The following RAD51B variants were observed in gnomAD, a reference collection of about 807,000 sequenced individuals.
The protein encoded by RAD51B is DNA repair protein RAD51 homolog 2.
In RAD51B, 38 loss-of-function variants were observed where a neutral mutation model predicts 42.2. That is an observed-to-expected ratio of 0.90 (90% CI 0.70 to 1.18). RAD51B has a LOEUF of 1.18. Among genes scored for constraint, RAD51B ranks in the 50% most tolerant of loss-of-function variants. RAD51B has a pLI of 0.00. For missense variants in RAD51B, 373 were observed against 400.7 expected, an observed-to-expected ratio of 0.93 and a Z score of 0.59; for synonymous variants, 154 against 145.2, an observed-to-expected ratio of 1.06 and a Z score of -0.43.
At chr14:68,064,337 C>T (rs2076615808) in intron 7 of RAD51B, among the ~76,000 whole-genome samples, 1 of 152,162 alleles carries the variant, frequency 6.6e-6, no homozygotes, top group South Asian at 2.1e-4. Context: ...TGGGGATTCC[C>T]TAATATGTGA....
chr14:67,995,024 A>G (rs558694139), intron 7 of RAD51B, among the ~76,000 whole-genome samples: 22 of 152,310 alleles, frequency 1.4e-4, no homozygotes, highest in African/African-American at 5.1e-4. Flanking sequence ...AAGACTAATA[A>G]TGTATGATTC....
intron 7 of RAD51B, among the ~76,000 whole-genome samples, chr14:68,217,663 CT>C (rs1205446721): frequency 6.6e-6 from 1 of 152,176 alleles, no homozygotes; most frequent in African/African-American, 2.4e-5. Context: ...AGATTTTTTT[CT>C]TGATGGGACT....
At chr14:67,868,291 G>T (rs1341575501) in intron 5 of RAD51B, among the ~76,000 whole-genome samples, 1 of 152,180 alleles carries the variant, frequency 6.6e-6, no homozygotes, top group African/African-American at 2.4e-5. Context: ...AGGGGTCAGG[G>T]AGTTCCCTTT....
intron 8 of RAD51B, among the ~76,000 whole-genome samples, chr14:68,354,224 T>TTG (rs2082850120): frequency 6.8e-6 from 1 of 146,918 alleles, no homozygotes; most frequent in Non-Finnish European, 1.5e-5. Context: ...TGGTTTTTTT[T>TTG]TTTTTTTTTT....
chr14:67,887,181 T>G lies in RAD51B; in HGVS notation c.733T>G (p.Leu245Val), dbSNP rs1566942462. 6.2e-7 allele frequency: 1 copy of G among 1,610,424 alleles called. No homozygotes were observed. The highest frequency in any genetic ancestry group is 8.5e-7 in the Non-Finnish European group (1 of 1,178,232). The change falls in exon 7 of 11, where the codon TTG (leucine) becomes GTG (valine). Residue 245 changes from leucine to valine, a missense_variant. Leu to Val is a conservative substitution (Grantham distance 32, BLOSUM62 1). Coordinates refer to ENST00000471583, the MANE Select transcript of RAD51B (RefSeq NM_133510.4). ...LAREASSLKY[L>V]AEEFSIPVIL... ...AAGAGAGGCATCCTCCTTGAAGTAT[T>G]TGGCTGAGGAGTTTTCAATCCCAGT...
At chr14:68,317,709 GGA>G (rs1234351223) in intron 8 of RAD51B, among the ~76,000 whole-genome samples, 6 of 152,126 alleles carry the variant, frequency 3.9e-5, no homozygotes, top group African/African-American at 1.4e-4. Flanking sequence ...TTGGAATTTG[GGA>G]GAGAAAGAGA....
At chr14:68,366,270 A>G (rs2139932170) in intron 8 of RAD51B, among the ~76,000 whole-genome samples, 1 of 152,324 alleles carries the variant, frequency 6.6e-6, no homozygotes, top group Admixed American at 6.5e-5. Flanking sequence ...CATACCATAG[A>G]CAAATAGCCT....
At position 68,673,858 on chromosome 14, in the gene RAD51B, T is replaced by C. The variant is rs149575605; in HGVS notation, c.*11+23002T>C. On this transcript the variant is annotated intron_variant, in intron 11 of 11. Coordinates refer to the RAD51B transcript ENST00000488612. ...ATACACATATGTACATGCACACTCATACATGTACACATACTGTGCACACAC... is the reference window on the plus strand; with the variant it reads ...ATACACATATGTACATGCACACTCACACATGTACACATACTGTGCACACAC... Among the ~76,000 whole-genome samples the C allele has an allele frequency of 5.3e-3, 687 of 130,296 alleles. 4 individuals carry two copies. The highest frequency in any genetic ancestry group is 0.043 in the Middle Eastern group (8 of 186). 85.5% of individuals were successfully genotyped at this position (130,296 alleles called of 152,430 possible). A position where few individuals can be genotyped will look rare whatever the true frequency, so the allele number is the denominator to read the frequency against.
chr14:68,601,843 T>C (rs1891231786), intron 10 of RAD51B, among the ~76,000 whole-genome samples: 1 of 152,262 alleles, frequency 6.6e-6, no homozygotes, highest in Non-Finnish European at 1.5e-5. Flanking sequence ...CTCCTCACCC[T>C]TGAAAGTCTT....
At chr14:68,177,479 A>G (rs576862564) in intron 7 of RAD51B, among the ~76,000 whole-genome samples, 1 of 152,332 alleles carries the variant, frequency 6.6e-6, no homozygotes, top group African/African-American at 2.4e-5. Context: ...TTAACTAGAT[A>G]TCCTTAGTGG....
intron 7 of RAD51B, among the ~76,000 whole-genome samples, chr14:67,907,235 A>G (rs527749374): frequency 8.9e-4 from 135 of 151,946 alleles, no homozygotes; most frequent in Non-Finnish European, 1.3e-3. Flanking sequence ...ATTTCATTCA[A>G]TTCAGCTCTG....
In RAD51B at chr14:68,088,240, T is replaced by C. The variant is rs376405420; in HGVS notation, c.756+201036T>C. Among the ~76,000 whole-genome samples the C allele has an allele frequency of 8.6e-5, 13 of 151,234 alleles. No homozygotes were observed. The South Asian group carries it at 2.7e-3, about 31-fold the overall frequency. ...TTACAGTCCTGGCCCTACTAAAACG[T>C]CTTTTATTGACCTGCATGCTATCAT... On this transcript the variant is annotated intron_variant, in intron 7 of 10. Coordinates refer to ENST00000471583, the MANE Select transcript of RAD51B (RefSeq NM_133510.4).
At chr14:68,037,306 C>T (rs112120429) in intron 7 of RAD51B, among the ~76,000 whole-genome samples, 293 of 149,732 alleles carry the variant, frequency 2.0e-3, no homozygotes, top group Non-Finnish European at 3.7e-3. Context: ...CTGCAACCTC[C>T]GCCTCCTGGG....
intron 10 of RAD51B, among the ~76,000 whole-genome samples, chr14:68,573,191 C>A (rs1203028737): frequency 1.3e-5 from 2 of 152,190 alleles, no homozygotes; most frequent in Non-Finnish European, 2.9e-5. Flanking sequence ...TCACTCACAG[C>A]CTTCCAGCAG....
intron 10 of RAD51B, among the ~76,000 whole-genome samples, chr14:68,498,972 A>C (rs1884734211): frequency 6.6e-6 from 1 of 152,212 alleles, no homozygotes; most frequent in Admixed American, 6.5e-5. Context: ...TGAAGGAGGA[A>C]ATAGACAACA....
At position 68,681,953 on chromosome 14, in the gene RAD51B, C is replaced by T. The variant is rs78197559; in HGVS notation, c.*11+31097C>T. On this transcript the variant is annotated intron_variant, in intron 11 of 11. Transcript: ENST00000488612. Reference sequence around the variant, plus strand: ...GGATAAAAGATTACACCTTGGGCACCGTGTACACTGCTTGGGTGATGGGAG... The same window carrying T: ...GGATAAAAGATTACACCTTGGGCACTGTGTACACTGCTTGGGTGATGGGAG... Among the ~76,000 whole-genome samples the T allele has an allele frequency of 3.0e-3, 450 of 152,094 alleles. 1 individual carries two copies. The highest frequency in any genetic ancestry group is 9.9e-3 in the African/African-American group (411 of 41,494).
intron 7 of RAD51B, among the ~76,000 whole-genome samples, chr14:68,135,983 T>A (rs1013527741): frequency 1.3e-5 from 2 of 152,132 alleles, no homozygotes; most frequent in Non-Finnish European, 2.9e-5. Flanking sequence ...TTCATATTTT[T>A]AAAAATCTTG....
At chr14:67,858,773 C>T (rs1191007140) in intron 4 of RAD51B, among the ~76,000 whole-genome samples, 1 of 152,170 alleles carries the variant, frequency 6.6e-6, no homozygotes, top group Non-Finnish European at 1.5e-5. Context: ...CTGGCCCTAC[C>T]CTATCTGCCT....
chr14:68,680,541 A>G (rs184750008), intron 11 of RAD51B, among the ~76,000 whole-genome samples: 1 of 152,322 alleles, frequency 6.6e-6, no homozygotes, highest in Non-Finnish European at 1.5e-5. Context: ...AAAATTTACC[A>G]ATCAGCTTTC....
Sources: allele counts gnomAD v4.1 joint callset (sites outside exome capture counted in the v4.1 genomes callset), GRCh38; gene constraint gnomAD v4.1.1; transcripts MANE v1.5; gene names NCBI Gene and HGNC (gene_info 2026-07-23, HGNC 2026-07-21).